The following IL10RB variants were observed in gnomAD, a reference collection of about 807,000 sequenced individuals.
The protein encoded by IL10RB is interleukin 10 receptor subunit beta.
In IL10RB, 30 loss-of-function variants were observed where a neutral mutation model predicts 38.7. The observed-to-expected ratio is 0.78, with a 90% CI of 0.58 to 1.05. The LOEUF is 1.05. Among genes scored for constraint, IL10RB ranks in the 50% least tolerant of loss-of-function variants. IL10RB has a pLI of 0.00. For missense variants in IL10RB, 328 were observed against 397.1 expected (o/e 0.83, Z 1.48); for synonymous variants, 142 against 145.9 (o/e 0.97, Z 0.19).
intron 4 of IL10RB, among the ~76,000 whole-genome samples, chr21:33,280,283 C>G (rs150389218): frequency 5.9e-5 from 9 of 152,158 alleles, no homozygotes; most frequent in Non-Finnish European, 1.2e-4. Context: ...AAATCAGGGA[C>G]GTCCGTGGTC....
chr21:33,267,723 C>A (rs963083791), intron 1 of IL10RB, among the ~76,000 whole-genome samples: 8 of 151,970 alleles, frequency 5.3e-5, no homozygotes, highest in African/African-American at 1.9e-4. Flanking sequence ...GCCATGTTGG[C>A]CAGGCTGGTC....
intron 1 of IL10RB, chr21:33,308,653 G>C (rs1339914180): frequency 5.3e-5 from 8 of 152,208 alleles, no homozygotes; most frequent in African/African-American, 1.9e-4. Flanking sequence ...AATAGGGACT[G>C]TAGGAAATAT....
In IL10RB at chr21:33,266,497, G is replaced by A; in HGVS notation, c.32G>A (p.Gly11Asp). Residue 11 changes from glycine to aspartate, a missense_variant, in exon 1 of 7, where the codon GGC (glycine) becomes GAC (aspartate). Gly to Asp is a moderately conservative substitution (Grantham distance 94). Coordinates refer to ENST00000290200, the MANE Select transcript of IL10RB (RefSeq NM_000628.5). MAWSLGSWLG[G>D]CLLVSALGMV... ...TGGAGCCTTGGGAGCTGGCTGGGTG[G>A]CTGCCTGCTGGTGTCAGGTGAGGGG... is the stretch of plus-strand genomic sequence containing the variant. 1 of 1,542,752 alleles carries A rather than the reference G, an allele frequency of 6.5e-7. No homozygotes were observed.
At chr21:33,284,577 A>T (rs1180978261) in intron 5 of IL10RB, among the ~76,000 whole-genome samples, 1 of 152,168 alleles carries the variant, frequency 6.6e-6, no homozygotes, top group African/African-American at 2.4e-5. Context: ...CCTCATCCAG[A>T]TCTCACGCTG....
Position 33,288,152 on chromosome 21 carries a change from T to G in IL10RB, c.695T>G (p.Phe232Cys). Residue 232 changes from phenylalanine to cysteine, a missense_variant, in exon 6 of 7, where the codon TTC (phenylalanine) becomes TGC (cysteine). Phe to Cys is a radical substitution (Grantham distance 205, BLOSUM62 -2). Coordinates refer to ENST00000290200, the MANE Select transcript of IL10RB (RefSeq NM_000628.5). ...GCCGTCATCCTCATGGCCTCGGTCT[T>G]CATGGTCTGCCTGGCACTCCTCGGC... is the stretch of plus-strand genomic sequence containing the variant. ...MVAVILMASVFMVCLALLGCF... is the reference protein window; with the variant it reads ...MVAVILMASVCMVCLALLGCF... 1 of 1,614,132 alleles carries G rather than the reference T, an allele frequency of 6.2e-7. No homozygotes were observed. The highest frequency in any genetic ancestry group is 8.5e-7 in the Non-Finnish European group (1 of 1,180,002).
chr21:33,286,448 G>A (rs1297179288), intron 5 of IL10RB, among the ~76,000 whole-genome samples: 2 of 152,186 alleles, frequency 1.3e-5, no homozygotes, highest in Non-Finnish European at 2.9e-5. Flanking sequence ...AGCCGAACAA[G>A]GGGAGCTGGG....
intron 6 of IL10RB, chr21:33,293,864 T>C (rs866782822): frequency 1.0e-5 from 4 of 394,506 alleles, no homozygotes; most frequent in Middle Eastern, 3.7e-4. Flanking sequence ...AAGAATCCTC[T>C]ATGAGCTTTT....
intron 2 of IL10RB, among the ~76,000 whole-genome samples, chr21:33,276,273 T>C (rs566791535): frequency 1.3e-5 from 2 of 152,374 alleles, no homozygotes; most frequent in East Asian, 1.9e-4. Context: ...CACATGACTT[T>C]ATTGAAAATC....
At chr21:33,301,477 G>A (rs949137509), downstream of IL10RB, among the ~76,000 whole-genome samples, 1 of 152,230 alleles carries the variant, frequency 6.6e-6, no homozygotes, top group African/African-American at 2.4e-5. Context: ...ATATCTCTGA[G>A]CAGGAGGAGT....
intron 2 of IL10RB, among the ~76,000 whole-genome samples, chr21:33,274,176 T>C (rs886302663): frequency 1.1e-4 from 16 of 152,176 alleles, no homozygotes; most frequent in African/African-American, 3.6e-4. Flanking sequence ...TTCTTTATTT[T>C]ATTTTATTTC....
At chr21:33,288,569 G>C (rs1989425144) in intron 6 of IL10RB, among the ~76,000 whole-genome samples, 1 of 152,104 alleles carries the variant, frequency 6.6e-6, no homozygotes, top group Admixed American at 6.6e-5. Context: ...GAGGAGCAAA[G>C]GTGATGGTTC....
intron 3 of IL10RB, among the ~76,000 whole-genome samples, chr21:33,279,195 A>G (rs1234126320): frequency 6.6e-6 from 1 of 152,254 alleles, no homozygotes; most frequent in Non-Finnish European, 1.5e-5. Context: ...CTGAGGAAGT[A>G]GCATTTGAGC....
chr21:33,303,157 C>G (rs2123613581), intron 1 of IL10RB, among the ~76,000 whole-genome samples: 1 of 152,236 alleles, frequency 6.6e-6, no homozygotes, highest in South Asian at 2.1e-4. Context: ...TTCTTTCCTA[C>G]TCCTGGCCCT....
intron 4 of IL10RB, among the ~76,000 whole-genome samples, chr21:33,281,956 A>T (rs1424120788): frequency 1.3e-5 from 2 of 152,152 alleles, no homozygotes; most frequent in South Asian, 4.1e-4. Context: ...AGGTCCCTCT[A>T]CTACTATGCC....
intron 1 of IL10RB, among the ~76,000 whole-genome samples, chr21:33,305,894 C>A (rs1385833530): frequency 6.6e-6 from 1 of 152,076 alleles, no homozygotes; most frequent in Non-Finnish European, 1.5e-5. Context: ...TGCAGTGGCA[C>A]AATCTCGGCT....
At position 33,296,803 on chromosome 21, in the gene IL10RB, C is replaced by T. The variant is rs1409866474; in HGVS notation, c.*446C>T. 1 of 346,932 alleles carries T rather than the reference C, an allele frequency of 2.9e-6. No individual in the cohort carries two copies. The highest frequency in any genetic ancestry group is 7.6e-5 in the East Asian group (1 of 13,198). 21.5% of individuals were successfully genotyped at this position (346,932 alleles called of 1,614,324 possible). A position where few individuals can be genotyped will look rare whatever the true frequency, so the allele number is the denominator to read the frequency against. The stretch of plus-strand genomic sequence containing the variant: ...TCTCTACTAAAAATACAAAAATTAG[C>T]TAGGCATGATGGCGCATGCCTATAA... On this transcript the variant is annotated 3_prime_UTR_variant, in exon 7 of 7. Transcript: ENST00000290200.
chr21:33,277,668 CTT>C (rs1216043179), intron 3 of IL10RB, among the ~76,000 whole-genome samples: 54 of 92,984 alleles, frequency 5.8e-4, no homozygotes, highest in Middle Eastern at 7.4e-3. Context: ...TTCTTTCTTT[CTT>C]TTTTTTTTTT....
intron 1 of IL10RB, among the ~76,000 whole-genome samples, chr21:33,267,423 T>A (rs1425238092): frequency 6.6e-6 from 1 of 152,010 alleles, no homozygotes; most frequent in East Asian, 1.9e-4. Flanking sequence ...TTTATTATAG[T>A]CTTCTACTTT....
intron 2 of IL10RB, among the ~76,000 whole-genome samples, chr21:33,273,532 G>T (rs1989117660): frequency 6.6e-6 from 1 of 152,174 alleles, no homozygotes. Flanking sequence ...ACTGATCAGG[G>T]TAGTGGTTGC....
Sources: gnomAD v4.1 joint callset for allele counts (sites outside exome capture counted in the v4.1 genomes callset) on GRCh38, gnomAD v4.1.1 for gene constraint, MANE v1.5 for transcripts, NCBI Gene and HGNC (gene_info 2026-07-23, HGNC 2026-07-21) for gene names.